Variants in IPO4 observed in about 807,000 individuals in gnomAD.
IPO4 encodes the protein importin 4.
In IPO4, 91 loss-of-function variants were observed where a neutral mutation model predicts 133.5. The observed-to-expected ratio is 0.68, with a 90% confidence interval of 0.58 to 0.81. IPO4 has a LOEUF of 0.81. Ranked by LOEUF, IPO4 falls within the 30% of genes least tolerant of loss-of-function variation. The pLI, the probability that IPO4 is intolerant of heterozygous loss-of-function variation, is 0.00. For missense variants in IPO4, 1,279 were observed against 1,386.2 expected, an observed-to-expected ratio of 0.92 and a Z score of 1.23; for synonymous variants, 607 against 581.6, an observed-to-expected ratio of 1.04 and a Z score of -0.63.
Position 24,181,785 on chromosome 14 carries a change from G to C in IPO4, c.2866C>G (p.Arg956Gly), listed in dbSNP as rs762102390. The C allele has an allele frequency of 1.9e-6, 3 of 1,601,534 alleles. No individual in the cohort carries two copies. Among genetic ancestry groups the C allele is most frequent in the Non-Finnish European group, 1.7e-6 (2 of 1,172,238 alleles). ...GCCCCACAGATGTTGTCACGGACAC[G>C]ATCATGTCGCTCCCGCGCCAGGAGG... ...FPLLARERHD[R>G]VRDNICGALA... is the part of the protein sequence containing the mutation. The change falls in exon 27 of 30, where the codon CGT (arginine) becomes GGT (glycine). Residue 956 changes from arginine (R) to glycine (G), a missense_variant. Physicochemically the swap from Arg to Gly is moderately radical, Grantham distance 125. Transcript: ENST00000354464.
Position 24,185,858 on chromosome 14 carries a change from T to A in IPO4, c.1169+3A>T, listed in dbSNP as rs867620202. The stretch of plus-strand genomic sequence containing the variant: ...CCTCACCCTGGGACAGGGGAATACA[T>A]ACCTCTGCCTGATGTGGTCGCCAGC... On this transcript the variant is annotated splice_donor_region_variant and intron_variant, in intron 12 of 29. Transcript: ENST00000354464. The A allele has an allele frequency of 1.9e-6, 3 of 1,611,486 alleles. No individual in the cohort carries two copies. In the Middle Eastern group the frequency reaches 5.0e-4, roughly 266 times the overall value.
chr14:24,185,140 C>A (rs2039200495), intron 14 of IPO4, 43 bp downstream of exon 14: 2 of 1,611,900 alleles, frequency 1.2e-6, no homozygotes, highest in Non-Finnish European at 1.7e-6. Flanking sequence ...GCCAAAGCCG[C>A]CGCCTCATCC....
Position 24,181,861 on chromosome 14 carries a change from A to G in IPO4, c.2808-18T>C. 6.2e-7 allele frequency: 1 copy of G among 1,600,374 alleles called. No homozygotes were observed. Among genetic ancestry groups the G allele is most frequent in the Non-Finnish European group, 8.5e-7 (1 of 1,171,498 alleles). ...GGAAGTGTCTGGTCCACAGTCAAGGAATGGCCACACGCTCAGGTAGACCTT... is the reference window on the plus strand; with the variant it reads ...GGAAGTGTCTGGTCCACAGTCAAGGGATGGCCACACGCTCAGGTAGACCTT... On this transcript the variant is annotated intron_variant, in intron 26 of 29. Coordinates refer to ENST00000354464, the MANE Select transcript of IPO4 (RefSeq NM_024658.4).
At chr14:24,187,259 G>T in intron 6 of IPO4, 109 bp from the exon 7 acceptor site, 1 of 1,463,836 alleles carries the variant, frequency 6.8e-7, no homozygotes, top group Non-Finnish European at 9.5e-7. Context: ...TAACAGCCAG[G>T]CCCACCTACA....
rs57110546 is a variant in IPO4, at chr14:24,184,219, G to C, written c.1757+79C>G. The C allele has an allele frequency of 1.5e-5, 24 of 1,553,950 alleles. No individual in the cohort carries two copies. The South Asian group carries it at 2.7e-4, about 17-fold the overall frequency. ...GTCCAAACCAGACGACTGGAGTCTG[G>C]GGTGGGGATTCCAGTGGGTCCAGTG... On this transcript the variant is annotated intron_variant, in intron 17 of 29. Transcript: ENST00000354464.
chr14:24,187,500 A>T lies in IPO4; in HGVS notation c.488T>A (p.Leu163His), dbSNP rs1370755117. The change falls in exon 6 of 30, where the codon CTT (leucine) becomes CAT (histidine). Residue 163 changes from leucine (L) to histidine (H), a missense_variant. This residue lies in a region of IPO4 where 695 missense variants were observed against 704.1 expected (regional missense o/e 0.99). Transcript: ENST00000354464. ...CACCTCACCAAGAGTCTCATTCAGA[A>T]GCCGAAGAAGCTCCCGGTGGTGGGG... Reference protein sequence around the residue: ...FQPHHRELLRLLNETLGEVGS... With the variant: ...FQPHHRELLRHLNETLGEVGS... 5 of 1,614,062 alleles carry T rather than the reference A, an allele frequency of 3.1e-6. No individual in the cohort carries two copies. The highest frequency in any genetic ancestry group is 4.2e-6 in the Non-Finnish European group (5 of 1,180,042).
At chr14:24,187,043 T>G in intron 7 of IPO4, 42 bp downstream of exon 7, 9 of 1,612,386 alleles carry the variant, frequency 5.6e-6, no homozygotes, top group Non-Finnish European at 6.8e-6. Flanking sequence ...TGGACACTTC[T>G]GCACTCTCCT....
intron 10 of IPO4, 28 bp downstream of exon 10, chr14:24,186,259 T>G: frequency 1.3e-6 from 2 of 1,599,602 alleles, no homozygotes; most frequent in African/African-American, 1.3e-5. Flanking sequence ...CCTAACACCT[T>G]CCCCCTCTGT....
In IPO4 at chr14:24,187,473, C is replaced by A. The variant is rs1484199455; in HGVS notation, c.515G>T (p.Gly172Val). Residue 172 changes from glycine to valine, a missense_variant, in exon 6 of 30, where the codon GGC becomes GTC. This residue lies in a region of IPO4 where 695 missense variants were observed against 704.1 expected (regional missense o/e 0.99). Coordinates refer to ENST00000354464, the MANE Select transcript of IPO4 (RefSeq NM_024658.4). ...RLLNETLGEV[G>V]SPGLLFYSLR... ...GGAGTAGAAGAGCAGCCCAGGAGAGCCCACCTCACCAAGAGTCTCATTCAG... is the reference window on the plus strand; with the variant it reads ...GGAGTAGAAGAGCAGCCCAGGAGAGACCACCTCACCAAGAGTCTCATTCAG... The A allele has an allele frequency of 6.2e-6, 10 of 1,614,114 alleles. No individual in the cohort carries two copies. Among genetic ancestry groups the A allele is most frequent in the Non-Finnish European group, 8.5e-6 (10 of 1,180,004 alleles).
Position 24,188,215 on chromosome 14 carries a change from C to G in IPO4, c.278+1G>C. 1 of 1,613,188 alleles carries G rather than the reference C, an allele frequency of 6.2e-7. No individual in the cohort carries two copies. Among genetic ancestry groups the G allele is most frequent in the Non-Finnish European group, 8.5e-7 (1 of 1,179,572 alleles). The stretch of plus-strand genomic sequence containing the variant: ...CCCGAGAGAAGTGGGTAGGTACTTA[C>G]TCTGTTTCTCTCTGCAGGGCCGTCA... On this transcript the variant is annotated splice_donor_variant, in intron 4 of 29. Coordinates refer to ENST00000354464, the MANE Select transcript of IPO4 (RefSeq NM_024658.4). LOFTEE classifies it high-confidence loss of function.
rs577564566 is a variant in IPO4, at chr14:24,187,809, G to A, written c.279-13C>T. The A allele has an allele frequency of 9.9e-6, 16 of 1,613,838 alleles. No homozygotes were observed. The Admixed American group carries it at 1.8e-4, about 18-fold the overall frequency. On this transcript the variant is annotated splice_polypyrimidine_tract_variant and intron_variant, in intron 4 of 29. Transcript: ENST00000354464. ...GCTCACACAGTGCCTGCAAACAGGA[G>A]AGATCTCCTCCAATCACCCTTCAAT...
At chr14:24,184,819 G>A (rs756519298) in intron 15 of IPO4, 48 bp downstream of exon 15, 47 of 1,604,670 alleles carry the variant, frequency 2.9e-5, no homozygotes, top group Non-Finnish European at 3.9e-5. Flanking sequence ...ACCAGCCACA[G>A]GGCCTTTGGG....
chr14:24,182,597 A>C (rs1284397058), intron 24 of IPO4, 194 bp from the exon 25 acceptor site: 7 of 947,242 alleles, frequency 7.4e-6, no homozygotes, highest in Non-Finnish European at 3.3e-6. Flanking sequence ...CACTCCAAGC[A>C]CACCCCAGTC....
chr14:24,187,786 T>G lies in IPO4; in HGVS notation c.289A>C (p.Ser97Arg), dbSNP rs1334094745. 1 of 1,614,116 alleles carries G rather than the reference T, an allele frequency of 6.2e-7. No homozygotes were observed. Among genetic ancestry groups the G allele is most frequent in the Middle Eastern group, 1.6e-4 (1 of 6,062 alleles). Residue 97 changes from serine (S) to arginine (R), a missense_variant, in exon 5 of 30, where the codon AGC (serine) becomes CGC (arginine). Around this residue, in one of 3 missense-constraint regions of IPO4, gnomAD observed 695 missense variants for 704.1 expected, o/e 0.99. Coordinates refer to ENST00000354464, the MANE Select transcript of IPO4 (RefSeq NM_024658.4). ...ALQRETEHCV[S>R]LSLAQLSATI... is the part of the protein sequence containing the mutation. The stretch of plus-strand genomic sequence containing the variant: ...GCTGAGAGCTGGGCCAGGCTGAGGC[T>G]CACACAGTGCCTGCAAACAGGAGAG...
At chr14:24,184,536 C>A (rs575154669) in intron 16 of IPO4, 114 bp downstream of exon 16, 177 of 1,435,400 alleles carry the variant, frequency 1.2e-4, no homozygotes, top group Non-Finnish European at 1.6e-4. Flanking sequence ...ATGAAGCACA[C>A]CCCTTTGATG....
chr14:24,183,629 T>A lies in IPO4; in HGVS notation c.2024A>T (p.Asp675Val). 1 of 1,614,068 alleles carries A rather than the reference T, an allele frequency of 6.2e-7. No homozygotes were observed. Residue 675 changes from aspartate to valine, a missense_variant, in exon 20 of 30, where the codon GAC becomes GTC. Asp to Val is a radical substitution (Grantham distance 152, BLOSUM62 -3). Coordinates refer to ENST00000354464, the MANE Select transcript of IPO4 (RefSeq NM_024658.4). The stretch of plus-strand genomic sequence containing the variant: ...GATCTCCCCCACGGCAGCACAGGTG[T>A]CTTCCTTCTCATCGAAGAAGGCATT... ...VENAFFDEKE[D>V]TCAAVGEISV...
At position 24,184,718 on chromosome 14, in the gene IPO4, A is replaced by C. The variant is rs757394882; in HGVS notation, c.1568T>G (p.Met523Arg). 9 of 1,613,388 alleles carry C rather than the reference A, an allele frequency of 5.6e-6. No individual in the cohort carries two copies. In the South Asian group the frequency reaches 9.9e-5, roughly 18 times the overall value. ...TAACAGGAATTCCCGCAGGTGCTCC[A>C]TGATGGCAGGGAAGTAGGGCAGCAG... ...ASLLPYFPAI[M>R]EHLREFLLTG... Residue 523 changes from methionine (M) to arginine (R), a missense_variant, in exon 16 of 30, where the codon ATG (methionine) becomes AGG (arginine). Physicochemically the swap from Met to Arg is moderately conservative, Grantham distance 91. Coordinates refer to ENST00000354464, the MANE Select transcript of IPO4 (RefSeq NM_024658.4).
At chr14:24,187,360 G>A (rs1457668724) in intron 6 of IPO4, 40 bp downstream of exon 6, 1 of 1,603,612 alleles carries the variant, frequency 6.2e-7, no homozygotes, top group South Asian at 1.1e-5. Flanking sequence ...ATGAAGGCAT[G>A]AGGAAAGGGA....
Position 24,180,389 on chromosome 14 carries a change from G to C in IPO4, c.*53C>G, listed in dbSNP as rs1195074828. On this transcript the variant is annotated 3_prime_UTR_variant, in exon 30 of 30. Coordinates refer to ENST00000354464, the MANE Select transcript of IPO4 (RefSeq NM_024658.4). ...CAGAACTGAACTGGGCTGAGAGGTGGTCTTAAGGCCTGGGCAGGCTCTATT... is the reference window on the plus strand; with the variant it reads ...CAGAACTGAACTGGGCTGAGAGGTGCTCTTAAGGCCTGGGCAGGCTCTATT... The C allele has an allele frequency of 1.3e-6, 2 of 1,578,460 alleles. No homozygotes were observed. The highest frequency in any genetic ancestry group is 2.7e-5 in the African/African-American group (2 of 74,318).
Sources: gnomAD v4.1 joint callset for allele counts on GRCh38, gnomAD v4.1.1 for gene constraint, gnomAD v4.1.1 regional missense constraint, MANE v1.5 for transcripts, NCBI Gene and HGNC (gene_info 2026-07-23, HGNC 2026-07-21) for gene names.